RBFOX1: variants seen among roughly 807,000 people sequenced by gnomAD.
RBFOX1 encodes RNA binding protein fox-1 homolog 1.
Under a neutral mutation model 57.7 loss-of-function variants are expected in RBFOX1, and 8 were observed. The ratio of observed to expected loss-of-function variants is 0.14; its 90% CI spans 0.08 to 0.25. RBFOX1 has a LOEUF of 0.25. Ranked by LOEUF, RBFOX1 falls within the 10% of genes least tolerant of loss-of-function variation. The pLI, the probability that RBFOX1 is intolerant of heterozygous loss-of-function variation, is 1.00. For missense variants in RBFOX1, 611 were observed against 548.5 expected (o/e 1.11, Z -1.14); for synonymous variants, 326 against 222.4 (o/e 1.47, Z -4.15).
chr16:6,753,809 C>G (rs748313288), intron 3 of RBFOX1, among the ~76,000 whole-genome samples: 7 of 152,056 alleles, frequency 4.6e-5, no homozygotes, highest in African/African-American at 7.2e-5. Context: ...GTTGCCTGCT[C>G]TACATTGATT....
chr16:6,857,793 C>A (rs1364255621), intron 3 of RBFOX1, among the ~76,000 whole-genome samples: 1 of 152,180 alleles, frequency 6.6e-6, no homozygotes, highest in African/African-American at 2.4e-5. Flanking sequence ...CTTGCCCCAG[C>A]TTTAGCCCAA....
At chr16:6,225,495 A>G (rs2097409645) in intron 1 of RBFOX1, among the ~76,000 whole-genome samples, 1 of 152,190 alleles carries the variant, frequency 6.6e-6, no homozygotes, top group Non-Finnish European at 1.5e-5. Context: ...AGAGATTTTT[A>G]TATTAGATAA....
chr16:6,582,003 C>T (rs989586873), intron 2 of RBFOX1, among the ~76,000 whole-genome samples: 18 of 152,140 alleles, frequency 1.2e-4, no homozygotes, highest in African/African-American at 4.3e-4. Flanking sequence ...AGGGATGCTA[C>T]CAGCATCTAG....
chr16:7,362,504 C>T (rs948399969), intron 4 of RBFOX1, among the ~76,000 whole-genome samples: 2 of 142,680 alleles, frequency 1.4e-5, no homozygotes, highest in Admixed American at 6.7e-5. Context: ...TTAGTATGTG[C>T]ATGTTTTTTG....
intron 3 of RBFOX1, among the ~76,000 whole-genome samples, chr16:6,884,507 CTG>C (rs2063577098): frequency 6.6e-6 from 1 of 152,156 alleles, no homozygotes; most frequent in South Asian, 2.1e-4. Context: ...TTGCAAGGAA[CTG>C]TGTTGATGAC....
chr16:6,539,924 A>G (rs2096789903), intron 2 of RBFOX1, among the ~76,000 whole-genome samples: 1 of 152,100 alleles, frequency 6.6e-6, no homozygotes, highest in Non-Finnish European at 1.5e-5. Flanking sequence ...AGGCAAGGTA[A>G]CTTTAAATGG....
At chr16:6,875,534 A>G (rs1470372552) in intron 3 of RBFOX1, among the ~76,000 whole-genome samples, 1 of 152,198 alleles carries the variant, frequency 6.6e-6, no homozygotes, top group African/African-American at 2.4e-5. Context: ...AAGACTATGA[A>G]TTATGTTTAT....
chr16:6,446,744 T>C (rs2094494086), intron 2 of RBFOX1, among the ~76,000 whole-genome samples: 1 of 152,210 alleles, frequency 6.6e-6, no homozygotes, highest in African/African-American at 2.4e-5. Context: ...AATGTTATTC[T>C]AAATCATTTT....
chr16:6,417,151 A>G (rs774297005), intron 2 of RBFOX1, among the ~76,000 whole-genome samples: 40 of 152,120 alleles, frequency 2.6e-4, no homozygotes, highest in Non-Finnish European at 5.4e-4. Context: ...AGCTGAGATT[A>G]CAGGTGTGCG....
At chr16:6,123,762 C>CGGCATGTT (rs1453321078) in intron 1 of RBFOX1, among the ~76,000 whole-genome samples, 4 of 152,012 alleles carry the variant, frequency 2.6e-5, no homozygotes, top group Admixed American at 2.6e-4. Context: ...AAAATTAGCC[C>CGGCATGTT]GGCATGTTGG....
At chr16:6,689,826 G>C (rs2059954848) in intron 3 of RBFOX1, among the ~76,000 whole-genome samples, 1 of 152,140 alleles carries the variant, frequency 6.6e-6, no homozygotes, top group Admixed American at 6.5e-5. Flanking sequence ...TCTTGAGCGA[G>C]GGCAGTAAGC....
At chr16:7,607,432 C>G in intron 10 of RBFOX1, 94 bp downstream of exon 10, 16 of 1,100,496 alleles carry the variant, frequency 1.5e-5, no homozygotes, top group South Asian at 2.7e-5. Context: ...TAACCTGAAG[C>G]AAGTGAATTC....
At chr16:7,028,892 C>G (rs930470361) in intron 3 of RBFOX1, among the ~76,000 whole-genome samples, 1 of 150,818 alleles carries the variant, frequency 6.6e-6, no homozygotes, top group Non-Finnish European at 1.5e-5. Context: ...CTCTGCCACT[C>G]AGCTATGTGT....
At chr16:6,316,849 C>A in intron 1 of RBFOX1, 146 bp from the exon 2 acceptor site, 1 of 585,504 alleles carries the variant, frequency 1.7e-6, no homozygotes, top group East Asian at 2.9e-5. Flanking sequence ...TTTTCATCAT[C>A]ATCATCACCA....
intron 2 of RBFOX1, among the ~76,000 whole-genome samples, chr16:6,500,357 TAC>T (rs915899983): frequency 1.9e-4 from 29 of 151,718 alleles, no homozygotes; most frequent in Non-Finnish European, 3.5e-4. Flanking sequence ...CGTGTGCACA[TAC>T]ACACACACAC....
intron 3 of RBFOX1, among the ~76,000 whole-genome samples, chr16:6,853,537 C>G (rs1356164976): frequency 2.0e-5 from 3 of 152,020 alleles, no homozygotes; most frequent in East Asian, 1.9e-4. Flanking sequence ...GTGGTAGATG[C>G]TTTCAGAATT....
intron 2 of RBFOX1, among the ~76,000 whole-genome samples, chr16:5,504,975 G>C (rs71390665): frequency 2.7e-4 from 41 of 152,320 alleles, no homozygotes; most frequent in African/African-American, 9.9e-4. Context: ...ATGGGTTTGG[G>C]AGGTGAGAGC....
intron 1 of RBFOX1, among the ~76,000 whole-genome samples, chr16:5,466,551 A>T (rs906084997): frequency 7.2e-5 from 11 of 152,174 alleles, no homozygotes; most frequent in African/African-American, 2.7e-4. Flanking sequence ...CCCTCTGGGA[A>T]TCCTAGTTCA....
intron 3 of RBFOX1, among the ~76,000 whole-genome samples, chr16:5,696,378 A>G (rs1036372082): frequency 2.0e-5 from 3 of 152,222 alleles, no homozygotes; most frequent in Non-Finnish European, 4.4e-5. Context: ...ATCTCCCTGT[A>G]TGATTACAGC....
Sources: gnomAD v4.1 joint callset for allele counts (sites outside exome capture counted in the v4.1 genomes callset) on GRCh38, gnomAD v4.1.1 for gene constraint, MANE v1.5 for transcripts, NCBI Gene and HGNC (gene_info 2026-07-23, HGNC 2026-07-21) for gene names.